SBK2: variants seen among roughly 807,000 people sequenced by gnomAD.
SBK2 encodes the protein serine/threonine-protein kinase SBK2.
Under a neutral mutation model 15.9 loss-of-function variants are expected in SBK2, and 18 were observed. The ratio of observed to expected loss-of-function variants is 1.13; its 90% CI spans 0.78 to 1.68. SBK2 has a LOEUF of 1.68. Among genes scored for constraint, SBK2 ranks in the 40% most tolerant of loss-of-function variants. The pLI is 0.00. For missense variants in SBK2, 581 were observed against 510.9 expected (o/e 1.14, Z -1.32); for synonymous variants, 284 against 246.8 (o/e 1.15, Z -1.41).
In SBK2 at chr19:55,529,032, G is replaced by C. The variant is rs1326108317; in HGVS notation, c.*701C>G. On this transcript the variant is annotated 3_prime_UTR_variant, in exon 4 of 4. Transcript: ENST00000413299. Reference sequence around the variant, plus strand: ...TGCGGGAGGCCGAGGTGGGAGACTCGCTCCAGGCCAGGAATTTGAGACTAG... The same window carrying C: ...TGCGGGAGGCCGAGGTGGGAGACTCCCTCCAGGCCAGGAATTTGAGACTAG... Among the ~76,000 whole-genome samples the C allele has an allele frequency of 6.6e-6, 1 of 152,180 alleles. No homozygotes were observed. Among genetic ancestry groups the C allele is most frequent in the Non-Finnish European group, 1.5e-5 (1 of 68,030 alleles).
In SBK2 at chr19:55,530,009, G is replaced by C. The variant is rs774230302; in HGVS notation, c.771C>G (p.Leu257=). Residue 257 remains leucine, a synonymous_variant, in exon 4 of 4, where the codon CTC becomes CTG. Transcript: ENST00000413299. ...WALGVLLFCL[L]TGYFPWDRPL... The stretch of plus-strand genomic sequence containing the variant: ...GCCGGTCCCAGGGGAAGTAGCCCGT[G>C]AGGAGGCAGAAGAGCAGGACGCCCA... 3.9e-6 allele frequency: 6 copies of C among 1,519,504 alleles called. No homozygotes were observed. The South Asian group carries it at 7.3e-5, about 19-fold the overall frequency. The allele number at this position is 1,519,504 out of a possible 1,614,324, so 94.1% of individuals were successfully genotyped here.
intron 2 of SBK2, among the ~76,000 whole-genome samples, chr19:55,532,627 G>A (rs1289554949): frequency 7.9e-6 from 1 of 127,196 alleles, no homozygotes; most frequent in African/African-American, 3.2e-5. Context: ...TTAAGACAGG[G>A]TCTTTCTCTG....
chr19:55,530,412 G>A (rs1568491109), intron 3 of SBK2, 89 bp from the exon 4 acceptor site: 4 of 1,218,788 alleles, frequency 3.3e-6, no homozygotes, highest in Admixed American at 3.4e-5. Flanking sequence ...CAAGGAGGCC[G>A]GTAAGGAAGA....
chr19:55,530,588 CCCGTGAGG>C (rs1988231454), intron 3 of SBK2, among the ~76,000 whole-genome samples: 2 of 20,318 alleles, frequency 9.8e-5, no homozygotes, highest in Admixed American at 5.7e-4. Context: ...CTTAGTGTGA[CCCGTGAGG>C]CCTGTGGGTT....
At position 55,531,209 on chromosome 19, in the gene SBK2, T is replaced by C; in HGVS notation, c.390A>G (p.Ala130=). 3 of 1,613,076 alleles carry C rather than the reference T, an allele frequency of 1.9e-6. No individual in the cohort carries two copies. Among genetic ancestry groups the C allele is most frequent in the Non-Finnish European group, 2.5e-6 (3 of 1,179,528 alleles). ...VTAYGIGIES[A]HSYSFLTEPV... is the part of the protein sequence containing the mutation. The stretch of plus-strand genomic sequence containing the variant: ...GCTCCGTCAGGAAGCTGTAGGAGTG[T>C]GCCGACTCGATGCCAATGCCGTAGG... Residue 130 remains alanine (A), a synonymous_variant, in exon 3 of 4, where the codon GCA becomes GCG. Coordinates refer to ENST00000413299, the MANE Select transcript of SBK2 (RefSeq NM_001370096.2).
In SBK2 at chr19:55,529,028, A is replaced by G. The variant is rs1225694664; in HGVS notation, c.*705T>C. On this transcript the variant is annotated 3_prime_UTR_variant, in exon 4 of 4. Coordinates refer to ENST00000413299, the MANE Select transcript of SBK2 (RefSeq NM_001370096.2). The stretch of plus-strand genomic sequence containing the variant: ...GCACTGCGGGAGGCCGAGGTGGGAG[A>G]CTCGCTCCAGGCCAGGAATTTGAGA... Among the ~76,000 whole-genome samples, 6 of 152,102 alleles carry G rather than the reference A, an allele frequency of 3.9e-5. No individual in the cohort carries two copies. The highest frequency in any genetic ancestry group is 7.4e-5 in the Non-Finnish European group (5 of 68,022).
chr19:55,531,465 A>ATC, intron 2 of SBK2, 120 bp from the exon 3 acceptor site: 1 of 743,358 alleles, frequency 1.3e-6, no homozygotes, highest in Non-Finnish European at 2.3e-6. Context: ...CCCATAGACC[A>ATC]TCTCCACCTC....
At position 55,529,053 on chromosome 19, in the gene SBK2, A is replaced by G. The variant is rs954999221; in HGVS notation, c.*680T>C. The stretch of plus-strand genomic sequence containing the variant: ...ACTCGCTCCAGGCCAGGAATTTGAG[A>G]CTAGCCTGAGCAACACAGCAAGACC... On this transcript the variant is annotated 3_prime_UTR_variant, in exon 4 of 4. Transcript: ENST00000413299. 1.3e-5 allele frequency among the ~76,000 whole-genome samples: 2 copies of G among 152,178 alleles called. No individual in the cohort carries two copies. Among genetic ancestry groups the G allele is most frequent in the Admixed American group, 1.3e-4 (2 of 15,274 alleles).
rs749443721 is a variant in SBK2, at chr19:55,536,227, CCCT to C, written c.65_67del (p.Glu22del). 9 of 1,605,450 alleles carry C rather than the reference CCCT, an allele frequency of 5.6e-6. No homozygotes were observed. The highest frequency in any genetic ancestry group is 7.6e-6 in the Non-Finnish European group (9 of 1,176,708). On this transcript the variant is annotated inframe_deletion, in exon 2 of 4. Coordinates refer to ENST00000413299, the MANE Select transcript of SBK2 (RefSeq NM_001370096.2). ...CTCCTCTAATGTCAGGCCGCCCAGA[CCCT>C]CCTCCTCGCTGTCCTCCGAAGCCCC...
In SBK2 at chr19:55,532,511, C is replaced by A. The variant is rs1988295437; in HGVS notation, c.254-1166G>T. On this transcript the variant is annotated intron_variant, in intron 2 of 3. Coordinates refer to ENST00000413299, the MANE Select transcript of SBK2 (RefSeq NM_001370096.2). The stretch of plus-strand genomic sequence containing the variant: ...AGAGATGGGGTTTCACCATGTTGGT[C>A]AGGCTAGTCTTGAACTCCTGGCCTC... Among the ~76,000 whole-genome samples the A allele has an allele frequency of 4.6e-5, 7 of 151,406 alleles. 1 individual carries two copies. The South Asian group carries it at 1.5e-3, about 32-fold the overall frequency.
chr19:55,534,122 C>T (rs749018505), intron 2 of SBK2, among the ~76,000 whole-genome samples: 1 of 152,140 alleles, frequency 6.6e-6, no homozygotes, highest in African/African-American at 2.4e-5. Flanking sequence ...TGTGTATCCC[C>T]AAAACTCGTA....
chr19:55,533,866 GCTT>G (rs1247118820), intron 2 of SBK2, among the ~76,000 whole-genome samples: 1 of 151,886 alleles, frequency 6.6e-6, no homozygotes, highest in African/African-American at 2.4e-5. Context: ...GGTGCCCTGA[GCTT>G]CTTAACGACA....
Position 55,530,094 on chromosome 19 carries a change from C to T in SBK2, c.686G>A (p.Cys229Tyr). The change falls in exon 4 of 4, where the codon TGC becomes TAC. Residue 229 changes from cysteine (C) to tyrosine (Y), a missense_variant. Cys to Tyr is a radical substitution (Grantham distance 194). Transcript: ENST00000413299. ...GCCCTCGGGGAGCGGCGGGGGCGCGCAGAGCTCGGGGGCCGTGTAGGGGAT... is the reference window on the plus strand; with the variant it reads ...GCCCTCGGGGAGCGGCGGGGGCGCGTAGAGCTCGGGGGCCGTGTAGGGGAT... ...PPIPYTAPELCAPPPLPEGLP... is the reference protein window; with the variant it reads ...PPIPYTAPELYAPPPLPEGLP... 1 of 1,443,580 alleles carries T rather than the reference C, an allele frequency of 6.9e-7. No individual in the cohort carries two copies. The highest frequency in any genetic ancestry group is 9.1e-7 in the Non-Finnish European group (1 of 1,104,006). 89.4% of individuals were successfully genotyped at this position (1,443,580 alleles called of 1,614,324 possible). A position where few individuals can be genotyped will look rare whatever the true frequency, so the allele number is the denominator to read the frequency against.
rs992368961 is a variant in SBK2 at position 55,531,175 on chromosome 19, G to A, written c.424C>T (p.His142Tyr). Residue 142 changes from histidine to tyrosine, a missense_variant, in exon 3 of 4, where the codon CAC (histidine) becomes TAC (tyrosine). By Grantham distance (83) the His-to-Tyr change is moderately conservative. Coordinates refer to ENST00000413299, the MANE Select transcript of SBK2 (RefSeq NM_001370096.2). ...TGGATGAAGGCCATGAGGTCCCCGT[G>A]CAGGACGGGCTCCGTCAGGAAGCTG... The part of the protein sequence containing the change: ...SYSFLTEPVL[H>Y]GDLMAFIQPK... 7 of 1,612,734 alleles carry A rather than the reference G, an allele frequency of 4.3e-6. No individual in the cohort carries two copies. The Admixed American group carries it at 1.2e-4, about 27-fold the overall frequency.
chr19:55,536,010 A>G, intron 2 of SBK2, 32 bp downstream of exon 2: 1 of 1,426,052 alleles, frequency 7.0e-7, no homozygotes, highest in South Asian at 1.6e-5. Flanking sequence ...CCCCAGCTGA[A>G]CCCTGCCACC....
chr19:55,535,949 T>C, intron 2 of SBK2, 93 bp downstream of exon 2: 1 of 1,245,430 alleles, frequency 8.0e-7, no homozygotes, highest in Non-Finnish European at 1.1e-6. Context: ...TAAGACTTGA[T>C]TCAGGCCTGC....
rs1283809691 is a variant in SBK2, at chr19:55,536,308, G to C, written c.-2-12C>G. On this transcript the variant is annotated splice_polypyrimidine_tract_variant and intron_variant, in intron 1 of 3. Transcript: ENST00000413299. ...TTTGCCGGGCATCTCTGCGAGAACA[G>C]AGAGGGGTGCCCAGGCTCAGGTCCC... 6.5e-7 allele frequency: 1 copy of C among 1,526,950 alleles called. No individual in the cohort carries two copies. Among genetic ancestry groups the C allele is most frequent in the African/African-American group, 1.4e-5 (1 of 71,834 alleles). 94.6% of individuals were successfully genotyped at this position (1,526,950 alleles called of 1,614,324 possible). A position where few individuals can be genotyped will look rare whatever the true frequency, so the allele number is the denominator to read the frequency against.
At chr19:55,535,077 C>T (rs1423301026) in intron 2 of SBK2, among the ~76,000 whole-genome samples, 1 of 152,066 alleles carries the variant, frequency 6.6e-6, no homozygotes, top group Non-Finnish European at 1.5e-5. Flanking sequence ...AAGCGCCTGC[C>T]TTTGTTATGG....
Position 55,529,767 on chromosome 19 carries a change from G to A in SBK2, c.1013C>T (p.Ala338Val), listed in dbSNP as rs766688542. ...AGCCTCCTCTTCCACCGCTCCCACTGCCTCCGCCTCGCCCTCCCGCTGCCT... is the reference window on the plus strand; with the variant it reads ...AGCCTCCTCTTCCACCGCTCCCACTACCTCCGCCTCGCCCTCCCGCTGCCT... ...PWRQREGEAE[A>V]VGAVEEEAGQ Residue 338 changes from alanine to valine, a missense_variant, in exon 4 of 4, where the codon GCA becomes GTA. By Grantham distance (64) the Ala-to-Val change is moderately conservative (BLOSUM62 0). Coordinates refer to ENST00000413299, the MANE Select transcript of SBK2 (RefSeq NM_001370096.2). 1.8e-5 allele frequency: 29 copies of A among 1,602,728 alleles called. No homozygotes were observed. Among genetic ancestry groups the A allele is most frequent in the Admixed American group, 6.7e-5 (4 of 59,966 alleles).
Sources: gnomAD v4.1 joint callset for allele counts (sites outside exome capture counted in the v4.1 genomes callset) on GRCh38, gnomAD v4.1.1 for gene constraint, MANE v1.5 for transcripts, NCBI Gene and HGNC (gene_info 2026-07-23, HGNC 2026-07-21) for gene names.